Variants in PLPP1 observed in about 807,000 individuals in gnomAD.
PLPP1 encodes the protein phospholipid phosphatase 1.
PLPP1 carries 24 observed loss-of-function variants against 31.2 expected under a neutral mutation model. That is an observed-to-expected ratio of 0.77 (90% CI 0.56 to 1.08). PLPP1 has a LOEUF of 1.08. Among genes scored for constraint, PLPP1 ranks in the 50% least tolerant of loss-of-function variants. The probability of loss-of-function intolerance (pLI) is 0.00; values close to 1 mark genes in which losing one functional copy is unlikely to be tolerated. For synonymous variants in PLPP1, 146 were observed against 126.3 expected, an observed-to-expected ratio of 1.16 and a Z score of -1.05; for missense variants, 319 against 342.7, an observed-to-expected ratio of 0.93 and a Z score of 0.55.
At chr5:55,508,909 A>G (rs559905169) in intron 1 of PLPP1, 1 of 154,178 alleles carries the variant, frequency 6.5e-6, no homozygotes, top group East Asian at 1.9e-4. Flanking sequence ...AGAAGATTTC[A>G]GAGTCAGATA....
At chr5:55,521,834 T>C (rs541146315) in intron 1 of PLPP1, among the ~76,000 whole-genome samples, 21 of 152,240 alleles carry the variant, frequency 1.4e-4, no homozygotes, top group Non-Finnish European at 2.6e-4. Flanking sequence ...CAGAGTTTTG[T>C]GATGATTACA....
At chr5:55,518,222 T>G (rs1753593174) in intron 1 of PLPP1, among the ~76,000 whole-genome samples, 1 of 152,202 alleles carries the variant, frequency 6.6e-6, no homozygotes, top group South Asian at 2.1e-4. Flanking sequence ...CAAATCTCCC[T>G]AATGAGAAGA....
intron 1 of PLPP1, among the ~76,000 whole-genome samples, chr5:55,477,451 T>C (rs1237627373): frequency 6.8e-6 from 1 of 147,706 alleles, no homozygotes; most frequent in Non-Finnish European, 1.5e-5. Context: ...TGGGGTGCAG[T>C]GACACAGTCT....
chr5:55,512,512 AAAAGAAAGAAAGAAAGAAAGAAAG>A (rs200128975), intron 1 of PLPP1, among the ~76,000 whole-genome samples: 442 of 36,844 alleles, frequency 0.012, 27 homozygotes, highest in African/African-American at 0.025. Context: ...AAAAGAAAAG[AAAAGAAAGAAAGAAAGAAAGAAAG>A]AAAGAAAGAA....
chr5:55,497,321 T>C (rs957589637), intron 1 of PLPP1, among the ~76,000 whole-genome samples: 2 of 152,092 alleles, frequency 1.3e-5, no homozygotes, highest in Non-Finnish European at 2.9e-5. Context: ...TCATAGTTCA[T>C]TGTAACCTTG....
In PLPP1 at chr5:55,533,057, C is replaced by A. The variant is rs1323876785; in HGVS notation, c.58+1515G>T. Among the ~76,000 whole-genome samples the A allele has an allele frequency of 7.9e-5, 12 of 151,234 alleles. 1 individual carries two copies. Among genetic ancestry groups the A allele is most frequent in the African/African-American group, 2.9e-4 (12 of 41,154 alleles). On this transcript the variant is annotated intron_variant, in intron 1 of 5. Coordinates refer to ENST00000307259, the MANE Select transcript of PLPP1 (RefSeq NM_003711.4). ...CCTAAACAGGAAGTGTCTTGGGAAA[C>A]AACAAAGATGCTTCATATTAACAGG...
intron 1 of PLPP1, among the ~76,000 whole-genome samples, chr5:55,525,413 A>G (rs151337174): frequency 6.6e-6 from 1 of 152,374 alleles, no homozygotes; most frequent in African/African-American, 2.4e-5. Context: ...GTCCATCACT[A>G]GACTATGCTG....
chr5:55,514,674 C>G (rs962191096), intron 1 of PLPP1, among the ~76,000 whole-genome samples: 6 of 150,946 alleles, frequency 4.0e-5, no homozygotes, highest in African/African-American at 1.5e-4. Context: ...AACACACACG[C>G]TTTTTTTTTA....
intron 3 of PLPP1, among the ~76,000 whole-genome samples, chr5:55,449,081 G>T (rs1339560896): frequency 6.6e-6 from 1 of 152,152 alleles, no homozygotes. Flanking sequence ...CCACAGATAT[G>T]GAGAACTGAT....
chr5:55,507,027 C>T (rs1257802503), intron 1 of PLPP1, among the ~76,000 whole-genome samples: 1 of 152,068 alleles, frequency 6.6e-6, no homozygotes, highest in Non-Finnish European at 1.5e-5. Flanking sequence ...AAATTCTTTC[C>T]AGAATCACAT....
chr5:55,425,718 C>A, intron 5 of PLPP1, 145 bp downstream of exon 5: 2 of 719,046 alleles, frequency 2.8e-6, no homozygotes, highest in Non-Finnish European at 2.1e-6. Context: ...TGGTGTGTAT[C>A]CTGAAGTGAC....
At chr5:55,472,636 C>G (rs558912383) in intron 2 of PLPP1, among the ~76,000 whole-genome samples, 2 of 113,844 alleles carry the variant, frequency 1.8e-5, no homozygotes, top group South Asian at 3.4e-4. Flanking sequence ...AAGAAAGAGA[C>G]AGAGAGAGAG....
At chr5:55,504,302 T>A (rs1471604348) in intron 1 of PLPP1, among the ~76,000 whole-genome samples, 3 of 149,920 alleles carry the variant, frequency 2.0e-5, no homozygotes, top group Non-Finnish European at 4.4e-5. Context: ...GAGGCGGAGG[T>A]TGCAGTGAGC....
At chr5:55,489,564 CT>C (rs1300323020) in intron 1 of PLPP1, among the ~76,000 whole-genome samples, 2 of 152,106 alleles carry the variant, frequency 1.3e-5, no homozygotes, top group Non-Finnish European at 2.9e-5. Context: ...TATATTAATA[CT>C]TATACCTCTT....
chr5:55,514,468 A>G (rs1753511294), intron 1 of PLPP1, among the ~76,000 whole-genome samples: 1 of 152,154 alleles, frequency 6.6e-6, no homozygotes, highest in Admixed American at 6.5e-5. Context: ...ATATCCCCCC[A>G]CCATAAAAAA....
intron 3 of PLPP1, among the ~76,000 whole-genome samples, chr5:55,443,177 T>TAAAA (rs1178247543): frequency 2.0e-4 from 10 of 51,016 alleles, no homozygotes; most frequent in East Asian, 4.9e-4. Context: ...AAGGATTACT[T>TAAAA]AAAAAAAAAA....
At chr5:55,434,581 C>T (rs1751447866) in intron 4 of PLPP1, among the ~76,000 whole-genome samples, 1 of 152,130 alleles carries the variant, frequency 6.6e-6, no homozygotes, top group Non-Finnish European at 1.5e-5. Flanking sequence ...AAAACAGACT[C>T]GTCAGCAACC....
intron 2 of PLPP1, among the ~76,000 whole-genome samples, chr5:55,473,197 T>C (rs1309590644): frequency 6.6e-6 from 1 of 152,242 alleles, no homozygotes; most frequent in Admixed American, 6.5e-5. Flanking sequence ...GGCTTTCTTC[T>C]AGCAGAAAAA....
intron 4 of PLPP1, among the ~76,000 whole-genome samples, chr5:55,435,400 C>T (rs1287588591): frequency 1.8e-5 from 1 of 57,128 alleles, no homozygotes; most frequent in Non-Finnish European, 4.3e-5. Context: ...GGTATTAATA[C>T]AAGAGATCAC....
Sources: allele counts gnomAD v4.1 joint callset (sites outside exome capture counted in the v4.1 genomes callset), GRCh38; gene constraint gnomAD v4.1.1; transcripts MANE v1.5; gene names NCBI Gene and HGNC (gene_info 2026-07-23, HGNC 2026-07-21).